SLC44A1: variants seen among roughly 807,000 people sequenced by gnomAD.
SLC44A1 encodes choline transporter-like protein 1.
Under a neutral mutation model 79.3 loss-of-function variants are expected in SLC44A1, and 26 were observed. That is an observed-to-expected ratio of 0.33 (90% CI 0.24 to 0.46). The LOEUF (loss-of-function observed/expected upper bound fraction) is 0.46. Among genes scored for constraint, SLC44A1 ranks in the 20% least tolerant of loss-of-function variants. The probability of loss-of-function intolerance (pLI) is 1.00; values close to 1 mark genes in which losing one functional copy is unlikely to be tolerated. For missense variants in SLC44A1, 688 were observed against 798.1 expected (o/e 0.86, Z 1.66); for synonymous variants, 263 against 286.2 (o/e 0.92, Z 0.82).
chr9:105,268,959 C>T (rs1371440259), intron 1 of SLC44A1, among the ~76,000 whole-genome samples: 1 of 152,190 alleles, frequency 6.6e-6, no homozygotes, highest in Non-Finnish European at 1.5e-5. Context: ...AGAAAGCCAG[C>T]TTTCCCTTTT....
chr9:105,382,071 T>C (rs559754933), intron 13 of SLC44A1, among the ~76,000 whole-genome samples: 1 of 152,286 alleles, frequency 6.6e-6, no homozygotes, highest in East Asian at 1.9e-4. Context: ...TCCAAATATT[T>C]CTGAGTTTTT....
At chr9:105,384,931 G>A (rs1165160031) in intron 14 of SLC44A1, among the ~76,000 whole-genome samples, 1 of 152,088 alleles carries the variant, frequency 6.6e-6, no homozygotes, top group African/African-American at 2.4e-5. Context: ...TTTTTAAAAA[G>A]AGTAGTTTGT....
At chr9:105,385,304 G>T (rs1828596680) in intron 14 of SLC44A1, 118 bp from the exon 15 acceptor site, 2 of 714,610 alleles carry the variant, frequency 2.8e-6, no homozygotes, top group African/African-American at 1.8e-5. Context: ...TTATTGCTAT[G>T]TTTTTAAGCC....
Position 105,253,170 on chromosome 9 carries a change from G to C in SLC44A1, c.36+8266G>C, listed in dbSNP as rs138042660. On this transcript the variant is annotated intron_variant, in intron 1 of 15. Coordinates refer to ENST00000374720, the MANE Select transcript of SLC44A1 (RefSeq NM_080546.5). ...TTATTTAGTAGGAAAACCCTTAAAA[G>C]CAACTTTTATTCAAATTTTTAAGGT... Among the ~76,000 whole-genome samples, 34 of 152,150 alleles carry C rather than the reference G, an allele frequency of 2.2e-4. 1 individual carries two copies. Among genetic ancestry groups the C allele is most frequent in the African/African-American group, 8.2e-4 (34 of 41,516 alleles).
chr9:105,392,709 C>T lies in SLC44A1; in HGVS notation c.*3653C>T. 1 of 985,426 alleles carries T rather than the reference C, an allele frequency of 1.0e-6. No homozygotes were observed. Among genetic ancestry groups the T allele is most frequent in the Non-Finnish European group, 1.2e-6 (1 of 829,932 alleles). The allele number at this position is 985,426 out of a possible 1,614,324, so 61.0% of individuals were successfully genotyped here. A position where few individuals can be genotyped will look rare whatever the true frequency, so the allele number is the denominator to read the frequency against. On this transcript the variant is annotated 3_prime_UTR_variant, in exon 16 of 16. Transcript: ENST00000374720. Reference sequence around the variant, plus strand: ...CAACTATTTCCACCATGCACTATTACTAGCTACTAACAGCCATTTTAAGAG... The same window carrying T: ...CAACTATTTCCACCATGCACTATTATTAGCTACTAACAGCCATTTTAAGAG...
chr9:105,265,100 C>G (rs981133577), intron 1 of SLC44A1, among the ~76,000 whole-genome samples: 1 of 152,150 alleles, frequency 6.6e-6, no homozygotes, highest in African/African-American at 2.4e-5. Context: ...CAGGCCCATT[C>G]TTTCTTGTAT....
chr9:105,376,314 TACACACAC>T (rs33933201), intron 13 of SLC44A1, among the ~76,000 whole-genome samples: 333 of 139,166 alleles, frequency 2.4e-3, no homozygotes, highest in African/African-American at 7.4e-3. Context: ...TATATATGTA[TACACACAC>T]ACACACACAC....
chr9:105,374,231 C>T (rs889977166), intron 12 of SLC44A1, among the ~76,000 whole-genome samples: 79 of 152,314 alleles, frequency 5.2e-4, no homozygotes, highest in African/African-American at 1.9e-3. Context: ...AAAGCATCAC[C>T]TAAATGATTA....
intron 12 of SLC44A1, among the ~76,000 whole-genome samples, chr9:105,374,311 C>T (rs527269290): frequency 6.6e-6 from 1 of 152,214 alleles, no homozygotes; most frequent in Non-Finnish European, 1.5e-5. Flanking sequence ...GTTTGATTTA[C>T]TAAAACAGGG....
chr9:105,320,611 T>C (rs1253143221), intron 3 of SLC44A1, among the ~76,000 whole-genome samples: 1 of 152,168 alleles, frequency 6.6e-6, no homozygotes, highest in Non-Finnish European at 1.5e-5. Flanking sequence ...GATCTCACTA[T>C]GTTGCACAGT....
intron 1 of SLC44A1, among the ~76,000 whole-genome samples, chr9:105,285,535 A>G (rs1830453981): frequency 6.6e-6 from 1 of 152,222 alleles, no homozygotes; most frequent in African/African-American, 2.4e-5. Flanking sequence ...AAGGCTGTTT[A>G]TTTCACCTGG....
At chr9:105,332,730 A>C (rs746596199) in intron 3 of SLC44A1, among the ~76,000 whole-genome samples, 2 of 152,090 alleles carry the variant, frequency 1.3e-5, no homozygotes, top group Non-Finnish European at 2.9e-5. Flanking sequence ...TTTTTTCCTA[A>C]ATGAAAACCG....
chr9:105,403,884 G>T (rs1474811030), intron 15 of SLC44A1, among the ~76,000 whole-genome samples: 1 of 151,590 alleles, frequency 6.6e-6, no homozygotes, highest in Non-Finnish European at 1.5e-5. Context: ...GATCTCGAGG[G>T]TCTTGCAGGC....
chr9:105,319,360 T>C (rs1016797082), intron 3 of SLC44A1, among the ~76,000 whole-genome samples: 2 of 152,148 alleles, frequency 1.3e-5, no homozygotes, highest in Non-Finnish European at 2.9e-5. Flanking sequence ...AGAGCTTCCA[T>C]TGTTGTCTCC....
At chr9:105,281,504 A>C (rs1003196279) in intron 1 of SLC44A1, among the ~76,000 whole-genome samples, 2 of 152,180 alleles carry the variant, frequency 1.3e-5, no homozygotes, top group African/African-American at 2.4e-5. Flanking sequence ...GGTTGTGTCT[A>C]GGAGTGACGA....
chr9:105,350,283 C>G (rs1827364695), intron 5 of SLC44A1, among the ~76,000 whole-genome samples: 1 of 152,160 alleles, frequency 6.6e-6, no homozygotes, highest in Non-Finnish European at 1.5e-5. Flanking sequence ...GAAGGCAAAT[C>G]TTGTAAATAC....
intron 14 of SLC44A1, among the ~76,000 whole-genome samples, chr9:105,383,730 C>A (rs183814204): frequency 1.4e-3 from 213 of 152,322 alleles, no homozygotes; most frequent in Admixed American, 0.012. Flanking sequence ...TAGTGCCTAC[C>A]TGTCTTTCTC....
At chr9:105,400,489 A>AAAAAAAAAAAG (rs1554690313), downstream of SLC44A1, among the ~76,000 whole-genome samples, 2 of 151,900 alleles carry the variant, frequency 1.3e-5, no homozygotes, top group East Asian at 1.9e-4. Flanking sequence ...CGCCATCTCA[A>AAAAAAAAAAAG]AAAAAGAAAA....
At chr9:105,258,948 G>A (rs956191688) in intron 1 of SLC44A1, among the ~76,000 whole-genome samples, 2 of 151,310 alleles carry the variant, frequency 1.3e-5, no homozygotes, top group Non-Finnish European at 2.9e-5. Flanking sequence ...CAGGTGATCC[G>A]CCCGCCTAGG....
Sources: allele counts gnomAD v4.1 joint callset (sites outside exome capture counted in the v4.1 genomes callset), GRCh38; gene constraint gnomAD v4.1.1; transcripts MANE v1.5; gene names NCBI Gene and HGNC (gene_info 2026-07-23, HGNC 2026-07-21).